The following TMEM114 variants were observed in gnomAD, a reference collection of about 807,000 sequenced individuals.
TMEM114 encodes the protein transmembrane protein 114.
A neutral mutation model predicts 6.2 loss-of-function variants in TMEM114; 6 were observed. The ratio of observed to expected loss-of-function variants is 0.97; its 90% CI spans 0.53 to 1.91. The LOEUF (loss-of-function observed/expected upper bound fraction) is 1.91, where lower values mean the gene tolerates loss of function less well. Among genes scored for constraint, TMEM114 ranks in the 40% most tolerant of loss-of-function variants. The probability of loss-of-function intolerance (pLI) is 0.01; values close to 1 mark genes in which losing one functional copy is unlikely to be tolerated. For synonymous variants in TMEM114, 104 were observed against 73.0 expected (o/e 1.42, Z -2.16); for missense variants, 218 against 158.3 (o/e 1.38, Z -2.02).
intron 2 of TMEM114, among the ~76,000 whole-genome samples, chr16:8,576,167 G>T (rs748514772): frequency 6.6e-6 from 1 of 152,140 alleles, no homozygotes; most frequent in South Asian, 2.1e-4. Flanking sequence ...AATATCAAAC[G>T]CCTCCTTCTC....
intron 2 of TMEM114, among the ~76,000 whole-genome samples, chr16:8,559,952 C>G (rs186605935): frequency 6.6e-6 from 1 of 152,084 alleles, no homozygotes; most frequent in African/African-American, 2.4e-5. Context: ...CTCAGAAGAC[C>G]GGGCTTTGCG....
At chr16:8,554,823 C>T (rs1042574504) in intron 2 of TMEM114, among the ~76,000 whole-genome samples, 6 of 152,182 alleles carry the variant, frequency 3.9e-5, no homozygotes, top group Admixed American at 1.3e-4. Flanking sequence ...AGGGTAGGCA[C>T]TGATGTTAGT....
intron 2 of TMEM114, 151 bp from the exon 3 acceptor site, chr16:8,572,375 A>G (rs751944136): frequency 5.0e-6 from 4 of 798,840 alleles, no homozygotes; most frequent in Middle Eastern, 2.3e-4. Context: ...TCTGATGATG[A>G]TGATGACCAT....
chr16:8,533,985 C>T (rs555619820), downstream of TMEM114, among the ~76,000 whole-genome samples: 1 of 152,306 alleles, frequency 6.6e-6, no homozygotes, highest in South Asian at 2.1e-4. Flanking sequence ...TTCTGCCTGG[C>T]ACCCAGTACC....
At chr16:8,552,015 A>G (rs1176774428) in intron 2 of TMEM114, among the ~76,000 whole-genome samples, 2 of 152,192 alleles carry the variant, frequency 1.3e-5, no homozygotes, top group Non-Finnish European at 2.9e-5. Flanking sequence ...CATTTATATA[A>G]CATTCTCAAA....
chr16:8,542,644 G>T (rs190134475), intron 2 of TMEM114, among the ~76,000 whole-genome samples: 3 of 152,242 alleles, frequency 2.0e-5, no homozygotes, highest in Admixed American at 2.0e-4. Flanking sequence ...CCAGCAACAG[G>T]GGTAGGAGTG....
At position 8,569,617 on chromosome 16, in the gene TMEM114, C is replaced by T; in HGVS notation, c.*156G>A. 2.1e-6 allele frequency: 3 copies of T among 1,435,246 alleles called. No homozygotes were observed. The highest frequency in any genetic ancestry group is 1.8e-6 in the Non-Finnish European group (2 of 1,099,196). The allele number at this position is 1,435,246 out of a possible 1,614,324, so 88.9% of individuals were successfully genotyped here. Reference sequence around the variant, plus strand: ...ACAGGTACTAGGATAACAGCCAGGCCCCAAGCTTAGTCCGCGGGGATTTGT... The same window carrying T: ...ACAGGTACTAGGATAACAGCCAGGCTCCAAGCTTAGTCCGCGGGGATTTGT... On this transcript the variant is annotated 3_prime_UTR_variant, in exon 4 of 4. Coordinates refer to ENST00000620492, the MANE Select transcript of TMEM114 (RefSeq NM_001146336.2).
intron 2 of TMEM114, among the ~76,000 whole-genome samples, chr16:8,555,402 C>T (rs1329596422): frequency 6.6e-6 from 1 of 152,140 alleles, no homozygotes; most frequent in Non-Finnish European, 1.5e-5. Flanking sequence ...GTCTTTATAC[C>T]CACTTTTAAT....
intron 2 of TMEM114, among the ~76,000 whole-genome samples, chr16:8,588,522 G>A (rs1196459877): frequency 1.3e-5 from 2 of 152,132 alleles, no homozygotes; most frequent in Non-Finnish European, 2.9e-5. Context: ...GAACTGTTAG[G>A]TTTATTTCCC....
At chr16:8,583,422 C>G (rs1003105957) in intron 2 of TMEM114, among the ~76,000 whole-genome samples, 8 of 152,006 alleles carry the variant, frequency 5.3e-5, no homozygotes, top group African/African-American at 1.9e-4. Flanking sequence ...TTAGAACAGC[C>G]CATTTGTGGA....
chr16:8,531,934 T>C, the TMEM114 span: 1 of 152,342 alleles, frequency 6.6e-6, no homozygotes, highest in East Asian at 1.9e-4. Context: ...ACCTACCTCA[T>C]GTAGATGAGA....
chr16:8,553,919 C>T (rs1174817348), intron 2 of TMEM114, among the ~76,000 whole-genome samples: 1 of 151,616 alleles, frequency 6.6e-6, no homozygotes, highest in African/African-American at 2.4e-5. Flanking sequence ...CTCTCAGTCA[C>T]CCAGGCTAGA....
downstream of TMEM114, among the ~76,000 whole-genome samples, chr16:8,566,733 C>G (rs909091210): frequency 6.6e-6 from 1 of 152,140 alleles, no homozygotes; most frequent in Non-Finnish European, 1.5e-5. Context: ...CTTCTTCCCA[C>G]CTCAGGGCCT....
intron 2 of TMEM114, among the ~76,000 whole-genome samples, chr16:8,572,887 G>A (rs1305462961): frequency 1.3e-5 from 2 of 152,198 alleles, no homozygotes; most frequent in African/African-American, 2.4e-5. Flanking sequence ...ACAGCCGTGG[G>A]ACCTTAAGAG....
chr16:8,564,743 G>C (rs1901467840), downstream of TMEM114, among the ~76,000 whole-genome samples: 1 of 150,092 alleles, frequency 6.7e-6, no homozygotes, highest in African/African-American at 2.5e-5. Context: ...GGGAGGGAGG[G>C]AATGAGTGAA....
intron 2 of TMEM114, among the ~76,000 whole-genome samples, chr16:8,556,281 C>T (rs1215138856): frequency 6.6e-6 from 1 of 152,216 alleles, no homozygotes; most frequent in Non-Finnish European, 1.5e-5. Context: ...TCCAGCCCAT[C>T]ACTCAAGCTA....
intron 3 of TMEM114, among the ~76,000 whole-genome samples, chr16:8,571,447 A>T (rs1263588862): frequency 6.6e-6 from 1 of 152,144 alleles, no homozygotes; most frequent in African/African-American, 2.4e-5. Flanking sequence ...GTGTGGTGAG[A>T]ACTAAAATCT....
chr16:8,555,286 G>T (rs929397727), intron 2 of TMEM114, among the ~76,000 whole-genome samples: 1 of 152,256 alleles, frequency 6.6e-6, no homozygotes, highest in African/African-American at 2.4e-5. Flanking sequence ...GAAAACAGCT[G>T]TATTGAGGAG....
intron 2 of TMEM114, among the ~76,000 whole-genome samples, chr16:8,554,819 G>A (rs1378719302): frequency 6.6e-6 from 1 of 152,200 alleles, no homozygotes; most frequent in East Asian, 1.9e-4. Context: ...CCTGAGGGTA[G>A]GCACTGATGT....
Sources: gnomAD v4.1 joint callset for allele counts (sites outside exome capture counted in the v4.1 genomes callset) on GRCh38, gnomAD v4.1.1 for gene constraint, MANE v1.5 for transcripts, NCBI Gene and HGNC (gene_info 2026-07-23, HGNC 2026-07-21) for gene names.